LOC128462377: variants seen among roughly 807,000 people sequenced by gnomAD.
chr16:89,418,177 A>G, the LOC128462377 span: 11 of 425,498 alleles, frequency 2.6e-5, no homozygotes, highest in South Asian at 1.6e-4. Context: ...ACAAAACTCT[A>G]TCAAGTCCAA....
chr16:89,333,566 C>T, the LOC128462377 span, among the ~76,000 whole-genome samples: 1 of 152,220 alleles, frequency 6.6e-6, no homozygotes. Flanking sequence ...GATCTTTGTG[C>T]TGTCTGCACA....
At chr16:89,348,943 C>G in the LOC128462377 span, among the ~76,000 whole-genome samples, 1 of 147,310 alleles carries the variant, frequency 6.8e-6, no homozygotes, top group Non-Finnish European at 1.5e-5. Flanking sequence ...GCCTCGTCAA[C>G]ATGGTGAAGC....
At chr16:89,352,672 G>A in the LOC128462377 span, among the ~76,000 whole-genome samples, 3 of 152,208 alleles carry the variant, frequency 2.0e-5, no homozygotes, top group African/African-American at 7.2e-5. Flanking sequence ...AGTGTTCTGT[G>A]CCTGGCCCTT....
At chr16:89,391,584 A>G in the LOC128462377 span, among the ~76,000 whole-genome samples, 1 of 152,226 alleles carries the variant, frequency 6.6e-6, no homozygotes. Context: ...TTTCCCCCTC[A>G]GAACCCCTAC....
At chr16:89,365,199 T>C in the LOC128462377 span, among the ~76,000 whole-genome samples, 2 of 152,246 alleles carry the variant, frequency 1.3e-5, no homozygotes, top group Admixed American at 1.3e-4. Flanking sequence ...GACTATCTTG[T>C]TGGCTGGTCA....
the LOC128462377 span, among the ~76,000 whole-genome samples, chr16:89,374,527 T>A: frequency 6.6e-6 from 1 of 152,174 alleles, no homozygotes; most frequent in Non-Finnish European, 1.5e-5. Context: ...TCAGAGCCGA[T>A]GGCCTCTGCC....
the LOC128462377 span, chr16:89,323,962 C>G: frequency 4.5e-6 from 1 of 221,874 alleles, no homozygotes; most frequent in Non-Finnish European, 9.1e-6. Context: ...GTGTCGGCCC[C>G]TCCCCTGCAC....
chr16:89,326,558 T>C, the LOC128462377 span, among the ~76,000 whole-genome samples: 1 of 152,062 alleles, frequency 6.6e-6, no homozygotes, highest in Admixed American at 6.5e-5. Context: ...CCGGGCAATG[T>C]AGGGAAACCT....
chr16:89,330,378 AG>A, the LOC128462377 span, among the ~76,000 whole-genome samples: 1 of 151,852 alleles, frequency 6.6e-6, no homozygotes, highest in Non-Finnish European at 1.5e-5. Flanking sequence ...GTGGAGAGGG[AG>A]GGGCTGCTTC....
At chr16:89,320,951 C>T in the LOC128462377 span, among the ~76,000 whole-genome samples, 433 of 152,354 alleles carry the variant, frequency 2.8e-3, no homozygotes, top group African/African-American at 0.01. Context: ...CAACGATGGC[C>T]TGCTCCTCCC....
the LOC128462377 span, among the ~76,000 whole-genome samples, chr16:89,406,625 G>A: frequency 6.6e-6 from 1 of 152,216 alleles, no homozygotes; most frequent in South Asian, 2.1e-4. Flanking sequence ...GGAAGGCCCA[G>A]GGCAGGACAT....
chr16:89,401,343 C>A, the LOC128462377 span, among the ~76,000 whole-genome samples: 1 of 152,068 alleles, frequency 6.6e-6, no homozygotes, highest in African/African-American at 2.4e-5. Context: ...TCCCAAAGTG[C>A]TGGGATTACA....
the LOC128462377 span, among the ~76,000 whole-genome samples, chr16:89,334,184 GAGAA>G: frequency 1.4e-4 from 19 of 139,568 alleles, no homozygotes; most frequent in African/African-American, 3.5e-4. Context: ...CAGAGAGAGA[GAGAA>G]AGAAAGAAAA....
chr16:89,413,442 G>A, the LOC128462377 span, among the ~76,000 whole-genome samples: 35 of 152,168 alleles, frequency 2.3e-4, no homozygotes, highest in Non-Finnish European at 4.7e-4. Context: ...TAGCTAACAC[G>A]AGGAAACCCC....
At chr16:89,359,898 G>A in the LOC128462377 span, among the ~76,000 whole-genome samples, 1 of 151,514 alleles carries the variant, frequency 6.6e-6, no homozygotes, top group South Asian at 2.1e-4. Flanking sequence ...TAGTTTATAT[G>A]TTTTTTAACT....
chr16:89,336,484 G>C, the LOC128462377 span, among the ~76,000 whole-genome samples: 1 of 152,232 alleles, frequency 6.6e-6, no homozygotes, highest in Non-Finnish European at 1.5e-5. Flanking sequence ...CGGAGTCCAG[G>C]AGGACTCCTG....
chr16:89,395,829 T>C, the LOC128462377 span: 1 of 152,208 alleles, frequency 6.6e-6, no homozygotes. Flanking sequence ...GATGAGCCAG[T>C]TCACTGGAGG....
chr16:89,406,453 G>C, the LOC128462377 span, among the ~76,000 whole-genome samples: 1 of 152,202 alleles, frequency 6.6e-6, no homozygotes, highest in African/African-American at 2.4e-5. Flanking sequence ...TGCTGAGAAG[G>C]CCGCACGGGC....
the LOC128462377 span, among the ~76,000 whole-genome samples, chr16:89,342,057 G>A: frequency 0.059 from 2,261 of 38,538 alleles, 77 homozygotes; most frequent in Admixed American, 0.098. Context: ...GGCCCACGGC[G>A]GGAGTGCTGC....
Sources: allele counts gnomAD v4.1 joint callset (sites outside exome capture counted in the v4.1 genomes callset), GRCh38; gene constraint gnomAD v4.1.1; transcripts MANE v1.5.